The following NEK5 variants were observed in gnomAD, a reference collection of about 807,000 sequenced individuals.
The protein encoded by NEK5 is NIMA related kinase 5.
A neutral mutation model predicts 109.2 loss-of-function variants in NEK5; 88 were observed. The ratio of observed to expected loss-of-function variants is 0.81; its 90% CI spans 0.68 to 0.96. NEK5 has a LOEUF of 0.96. NEK5 is among the 40% of genes least tolerant of loss of function. The pLI, the probability that NEK5 is intolerant of heterozygous loss-of-function variation, is 0.00. For synonymous variants in NEK5, 283 were observed against 299.9 expected (o/e 0.94, Z 0.58); for missense variants, 834 against 920.7 (o/e 0.91, Z 1.22).
At position 52,083,359 on chromosome 13, in the gene NEK5, C is replaced by T; in HGVS notation, c.1480-7G>A. 1 of 1,559,124 alleles carries T rather than the reference C, an allele frequency of 6.4e-7. No homozygotes were observed. Among genetic ancestry groups the T allele is most frequent in the Non-Finnish European group, 8.8e-7 (1 of 1,130,362 alleles). On this transcript the variant is annotated splice_region_variant and splice_polypyrimidine_tract_variant and intron_variant, in intron 16 of 23. Transcript: ENST00000684899. The stretch of plus-strand genomic sequence containing the variant: ...GACTTATTTTTGAGTTCTCCTTTAA[C>T]ACAAATTATACACAGTCAACAAGAT...
In NEK5 at chr13:52,099,597, G is replaced by A. The variant is rs1955487301; in HGVS notation, c.1026+146C>T. On this transcript the variant is annotated intron_variant, in intron 12 of 23. Transcript: ENST00000684899. ...GGGCAGAAGAATTGCTTGAACCCGG[G>A]AGGTGGAGTTTGCGGTGAGCCGAGA... The A allele has an allele frequency of 5.6e-6, 4 of 715,060 alleles. No individual in the cohort carries two copies. In the Admixed American group the frequency reaches 8.5e-5, roughly 15 times the overall value. The allele number at this position is 715,060 out of a possible 1,614,324, so 44.3% of individuals were successfully genotyped here. A position where few individuals can be genotyped will look rare whatever the true frequency, so the allele number is the denominator to read the frequency against.
chr13:52,067,002 T>C lies in NEK5; in HGVS notation c.1850-1393A>G, dbSNP rs76279801. Among the ~76,000 whole-genome samples the C allele has an allele frequency of 1.4e-4, 22 of 152,324 alleles. No individual in the cohort carries two copies. In the East Asian group the frequency reaches 4.2e-3, roughly 29 times the overall value. On this transcript the variant is annotated intron_variant, in intron 20 of 23. Coordinates refer to ENST00000684899, the MANE Select transcript of NEK5 (RefSeq NM_001365552.1). ...CCTTTCTTTTCACGCTGACTTGTGA[T>C]GTTACTTTTCATTTGTGCTGAATTA...
chr13:52,108,175 A>T (rs1376369545), intron 8 of NEK5, 143 bp downstream of exon 8: 19 of 578,562 alleles, frequency 3.3e-5, no homozygotes, highest in Non-Finnish European at 5.1e-5. Flanking sequence ...TTGGTCCAGA[A>T]CAATTTCACA....
intron 20 of NEK5, 42 bp from the exon 21 acceptor site, chr13:52,065,651 AGTGTGACTAAT>A (rs755599766): frequency 7.0e-7 from 1 of 1,423,830 alleles, no homozygotes; most frequent in Non-Finnish European, 9.9e-7. Flanking sequence ...AAGCAGTCAA[AGTGTGACTAAT>A]TGTCCCAAAC....
intron 12 of NEK5, among the ~76,000 whole-genome samples, chr13:52,095,838 G>T (rs137949023): frequency 2.1e-3 from 313 of 152,282 alleles, no homozygotes; most frequent in Middle Eastern, 0.01. Flanking sequence ...CTTTGGATTT[G>T]TGTCTCAGCC....
intron 11 of NEK5, 25 bp from the exon 12 acceptor site, chr13:52,099,901 T>C (rs776382212): frequency 3.1e-6 from 5 of 1,592,538 alleles, no homozygotes; most frequent in Non-Finnish European, 4.3e-6. Context: ...ATAAAACAGC[T>C]TCAATTTTTT....
chr13:52,090,102 G>C (rs1955247176), intron 13 of NEK5, among the ~76,000 whole-genome samples: 1 of 152,278 alleles, frequency 6.6e-6, no homozygotes, highest in South Asian at 2.1e-4. Context: ...GCTTAATGAG[G>C]AAAGAAATAA....
At chr13:52,078,592 G>T (rs1338625156) in intron 17 of NEK5, among the ~76,000 whole-genome samples, 1 of 149,264 alleles carries the variant, frequency 6.7e-6, no homozygotes. Flanking sequence ...CAATAAAACT[G>T]TTTTTTTTTT....
At chr13:52,113,395 T>C (rs1187554814) in intron 4 of NEK5, among the ~76,000 whole-genome samples, 2 of 151,120 alleles carry the variant, frequency 1.3e-5, no homozygotes, top group African/African-American at 4.9e-5. Context: ...GAAATATGAA[T>C]AGAAAATGAA....
At chr13:52,041,791 T>G (rs1174849394) in intron 23 of NEK5, among the ~76,000 whole-genome samples, 1 of 136,404 alleles carries the variant, frequency 7.3e-6, no homozygotes, top group Non-Finnish European at 1.6e-5. Context: ...ATAAAAAATA[T>G]GAAAGTACAA....
chr13:52,061,879 T>C lies in NEK5; in HGVS notation c.2050A>G (p.Met684Val). 11 of 985,630 alleles carry C rather than the reference T, an allele frequency of 1.1e-5. No individual in the cohort carries two copies. The highest frequency in any genetic ancestry group is 1.3e-5 in the Non-Finnish European group (11 of 829,714). 61.1% of individuals were successfully genotyped at this position (985,630 alleles called of 1,614,324 possible). A position where few individuals can be genotyped will look rare whatever the true frequency, so the allele number is the denominator to read the frequency against. The change falls in exon 22 of 24, where the codon ATG becomes GTG. Residue 684 changes from methionine to valine, a missense_variant. Coordinates refer to ENST00000684899, the MANE Select transcript of NEK5 (RefSeq NM_001365552.1). Reference protein sequence around the residue: ...QWRHEAPGTLMSVLAAAHLTS... With the variant: ...QWRHEAPGTLVSVLAAAHLTS... The stretch of plus-strand genomic sequence containing the variant: ...AGATGTGCTGCTGCCAAAACACTCA[T>C]TAAAGTTCCTGGAGCTTCATGCCGC...
chr13:52,054,649 C>T (rs1954537086), intron 22 of NEK5, among the ~76,000 whole-genome samples: 2 of 152,238 alleles, frequency 1.3e-5, no homozygotes, highest in African/African-American at 4.8e-5. Flanking sequence ...CCCCTGACCC[C>T]TGAGCAGCCT....
At chr13:52,102,385 C>A in intron 9 of NEK5, 93 bp from the exon 10 acceptor site, 2 of 1,002,306 alleles carry the variant, frequency 2.0e-6, no homozygotes, top group Non-Finnish European at 3.1e-6. Context: ...TACCAAGAAG[C>A]AAAACAATGT....
intron 23 of NEK5, among the ~76,000 whole-genome samples, chr13:52,037,499 C>T (rs1954370930): frequency 6.6e-6 from 1 of 152,092 alleles, no homozygotes. Context: ...AAACAATTGC[C>T]GTACATCGAG....
intron 21 of NEK5, among the ~76,000 whole-genome samples, chr13:52,063,462 G>A (rs1430721355): frequency 2.0e-5 from 3 of 152,218 alleles, no homozygotes; most frequent in Non-Finnish European, 2.9e-5. Flanking sequence ...GCCTCCCAAA[G>A]TGCTGAGATT....
chr13:52,063,413 C>T (rs1176747756), intron 21 of NEK5, among the ~76,000 whole-genome samples: 17 of 152,168 alleles, frequency 1.1e-4, no homozygotes, highest in Non-Finnish European at 1.6e-4. Context: ...GGCGTGATCG[C>T]GGCTCGCTAC....
At chr13:52,073,425 C>T (rs933859914) in intron 19 of NEK5, among the ~76,000 whole-genome samples, 1 of 151,758 alleles carries the variant, frequency 6.6e-6, no homozygotes, top group East Asian at 1.9e-4. Context: ...AAGTGATTCT[C>T]CTGCCTCAGC....
At chr13:52,080,319 C>T (rs931218132) in intron 17 of NEK5, among the ~76,000 whole-genome samples, 3 of 150,404 alleles carry the variant, frequency 2.0e-5, no homozygotes, top group Middle Eastern at 3.5e-3. Flanking sequence ...AGGTGAGGGG[C>T]GCCTCTGCCC....
chr13:52,063,602 A>C (rs1183590020), intron 21 of NEK5, among the ~76,000 whole-genome samples: 58 of 141,266 alleles, frequency 4.1e-4, no homozygotes, highest in African/African-American at 1.2e-3. Flanking sequence ...GTCTCTGCCC[A>C]GCCGCCATCC....
Sources: gnomAD v4.1 joint callset for allele counts (sites outside exome capture counted in the v4.1 genomes callset) on GRCh38, gnomAD v4.1.1 for gene constraint, MANE v1.5 for transcripts, NCBI Gene and HGNC (gene_info 2026-07-23, HGNC 2026-07-21) for gene names.